DLGAP1: variants seen among roughly 807,000 people sequenced by gnomAD.
DLGAP1 encodes the protein disks large-associated protein 1.
In DLGAP1, 11 loss-of-function variants were observed where a neutral mutation model predicts 90.8. The observed-to-expected ratio is 0.12, with a 90% CI of 0.08 to 0.20. The LOEUF is 0.20. Among genes scored for constraint, DLGAP1 ranks in the 10% least tolerant of loss-of-function variants. The pLI is 1.00. For synonymous variants in DLGAP1, 558 were observed against 540.7 expected, an observed-to-expected ratio of 1.03 and a Z score of -0.44; for missense variants, 1,050 against 1,333.8, an observed-to-expected ratio of 0.79 and a Z score of 3.31.
rs550861697 is a variant in DLGAP1 at position 3,625,180 on chromosome 18, C to T, written c.1592-42932G>A. 2.4e-3 allele frequency among the ~76,000 whole-genome samples: 360 copies of T among 152,312 alleles called. 2 individuals carry two copies. Among genetic ancestry groups the T allele is most frequent in the Non-Finnish European group, 3.8e-3 (256 of 68,030 alleles). Reference sequence around the variant, plus strand: ...GAGATGAAGCCCTAGTCATTAAATGCCCAGTGATGTTACGACTGCCAAATT... The same window carrying T: ...GAGATGAAGCCCTAGTCATTAAATGTCCAGTGATGTTACGACTGCCAAATT... On this transcript the variant is annotated intron_variant, in intron 7 of 12. Transcript: ENST00000315677.
At chr18:4,080,125 G>A (rs1192381102) in intron 2 of DLGAP1, among the ~76,000 whole-genome samples, 1 of 152,108 alleles carries the variant, frequency 6.6e-6, no homozygotes, top group Non-Finnish European at 1.5e-5. Flanking sequence ...AATATGAAGT[G>A]AGGGAAGGAA....
intron 2 of DLGAP1, among the ~76,000 whole-genome samples, chr18:4,053,030 G>T (rs1339141008): frequency 3.3e-5 from 5 of 152,206 alleles, no homozygotes; most frequent in Non-Finnish European, 7.4e-5. Flanking sequence ...ACATTTTCCT[G>T]TCTTCTGAGT....
chr18:4,269,393 G>A (rs1333002008), intron 1 of DLGAP1, among the ~76,000 whole-genome samples: 7 of 133,966 alleles, frequency 5.2e-5, no homozygotes, highest in South Asian at 2.3e-4. Context: ...TTGCTCTGTC[G>A]CCCAGGCTGG....
intron 5 of DLGAP1, among the ~76,000 whole-genome samples, chr18:3,765,373 G>A (rs957021388): frequency 2.7e-5 from 4 of 150,592 alleles, no homozygotes; most frequent in Admixed American, 6.6e-5. Flanking sequence ...CTCATGATCT[G>A]CCCACCTTGG....
At chr18:4,373,627 T>A (rs1035826633) in intron 1 of DLGAP1, among the ~76,000 whole-genome samples, 3 of 152,186 alleles carry the variant, frequency 2.0e-5, no homozygotes, top group African/African-American at 7.2e-5. Flanking sequence ...CTTCCTCTCA[T>A]CTACATCTCT....
intron 4 of DLGAP1, among the ~76,000 whole-genome samples, chr18:3,818,659 T>C (rs73372578): frequency 0.22 from 33,757 of 150,966 alleles, 7,209 homozygotes; most frequent in African/African-American, 0.57. Flanking sequence ...TGGAGTGCAG[T>C]GGCACGATCT....
intron 6 of DLGAP1, among the ~76,000 whole-genome samples, chr18:3,733,520 T>C (rs1449750069): frequency 6.6e-6 from 1 of 152,092 alleles, no homozygotes; most frequent in Non-Finnish European, 1.5e-5. Context: ...TTTTGGATAT[T>C]GTGGGGTTTT....
chr18:4,320,175 T>C (rs942878955), intron 1 of DLGAP1, among the ~76,000 whole-genome samples: 3 of 152,156 alleles, frequency 2.0e-5, no homozygotes, highest in African/African-American at 7.2e-5. Flanking sequence ...AGTGAGATAC[T>C]GTTTAACTGC....
chr18:4,032,972 T>C (rs2074823517), intron 2 of DLGAP1, among the ~76,000 whole-genome samples: 1 of 152,162 alleles, frequency 6.6e-6, no homozygotes, highest in Admixed American at 6.5e-5. Context: ...AATAAATGAA[T>C]GAATATTATT....
rs530636110 is a variant in DLGAP1 at position 3,880,046 on chromosome 18, C to T, written c.23G>A (p.Arg8His). Residue 8 changes from arginine to histidine, a missense_variant, in exon 4 of 13, where the codon CGC becomes CAC. By Grantham distance (29) the Arg-to-His change is conservative (BLOSUM62 0). Transcript: ENST00000315677. ...GCAGGTGACCCCGTGGTGATGGCTG[C>T]GGCTGCCTGATAGCCCTTTCATGGC... MKGLSGS[R>H]SHHHGVTCDS... The T allele has an allele frequency of 5.1e-5, 81 of 1,603,418 alleles. No individual in the cohort carries two copies. The highest frequency in any genetic ancestry group is 1.0e-4 in the Admixed American group (6 of 60,002).
chr18:3,930,298 C>T (rs2072487462), intron 3 of DLGAP1, among the ~76,000 whole-genome samples: 1 of 152,102 alleles, frequency 6.6e-6, no homozygotes, highest in Non-Finnish European at 1.5e-5. Flanking sequence ...TGAGTAGTTG[C>T]CATGGGTGTG....
At chr18:4,436,435 T>C (rs960158256) in intron 1 of DLGAP1, among the ~76,000 whole-genome samples, 9 of 152,022 alleles carry the variant, frequency 5.9e-5, no homozygotes, top group Non-Finnish European at 1.2e-4. Context: ...CCTGAGAATA[T>C]ACATTTCTAA....
chr18:4,412,420 C>T (rs891110904), intron 1 of DLGAP1, among the ~76,000 whole-genome samples: 3 of 152,284 alleles, frequency 2.0e-5, no homozygotes, highest in African/African-American at 7.2e-5. Context: ...GCTTCTCCTC[C>T]AGGCTGCCAG....
At chr18:3,993,690 G>A (rs1324670560) in intron 3 of DLGAP1, among the ~76,000 whole-genome samples, 1 of 152,128 alleles carries the variant, frequency 6.6e-6, no homozygotes, top group African/African-American at 2.4e-5. Context: ...GAGTTTAGCA[G>A]GGGCTTTAAT....
At chr18:4,397,512 G>A (rs1371939110) in intron 1 of DLGAP1, among the ~76,000 whole-genome samples, 1 of 152,116 alleles carries the variant, frequency 6.6e-6, no homozygotes, top group Non-Finnish European at 1.5e-5. Flanking sequence ...GAAATTATCA[G>A]CATGCATTTG....
intron 1 of DLGAP1, among the ~76,000 whole-genome samples, chr18:4,319,953 G>A (rs1282851398): frequency 1.3e-5 from 2 of 152,074 alleles, no homozygotes; most frequent in Admixed American, 1.3e-4. Context: ...CCCACTCTGG[G>A]AGGGAACCCC....
At chr18:4,271,995 G>C (rs968531520) in intron 1 of DLGAP1, among the ~76,000 whole-genome samples, 3 of 151,992 alleles carry the variant, frequency 2.0e-5, no homozygotes, top group Non-Finnish European at 2.9e-5. Flanking sequence ...CTGAGACCAA[G>C]TTTCCTCCTT....
intron 1 of DLGAP1, among the ~76,000 whole-genome samples, chr18:4,367,177 T>A (rs2081793905): frequency 6.8e-6 from 1 of 146,940 alleles, no homozygotes; most frequent in African/African-American, 2.6e-5. Context: ...ACTAATTACA[T>A]CTAGTATGTA....
At chr18:3,693,932 C>T (rs1360595102) in intron 7 of DLGAP1, among the ~76,000 whole-genome samples, 2 of 151,966 alleles carry the variant, frequency 1.3e-5, no homozygotes, top group Non-Finnish European at 2.9e-5. Context: ...GCAGAACGTG[C>T]AGGTTTGTTA....
Sources: allele counts gnomAD v4.1 joint callset (sites outside exome capture counted in the v4.1 genomes callset), GRCh38; gene constraint gnomAD v4.1.1; transcripts MANE v1.5; gene names NCBI Gene and HGNC (gene_info 2026-07-23, HGNC 2026-07-21).